PCDHA13: variants seen among roughly 807,000 people sequenced by gnomAD.
The protein encoded by PCDHA13 is protocadherin alpha 13.
A neutral mutation model predicts 64.8 loss-of-function variants in PCDHA13; 54 were observed. The observed-to-expected ratio is 0.83, with a 90% confidence interval of 0.67 to 1.04. PCDHA13 has a LOEUF of 1.04. Among genes scored for constraint, PCDHA13 ranks in the 50% least tolerant of loss-of-function variants. PCDHA13 has a pLI of 0.00. For missense variants in PCDHA13, 1,248 were observed against 1,254.3 expected (o/e 0.99, Z 0.08); for synonymous variants, 587 against 564.4 (o/e 1.04, Z -0.57).
chr5:140,883,238 G>C lies in PCDHA13; in HGVS notation c.970G>C (p.Asp324His), dbSNP rs782322627. 6.2e-7 allele frequency: 1 copy of C among 1,613,886 alleles called. No individual in the cohort carries two copies. Among genetic ancestry groups the C allele is most frequent in the African/African-American group, 1.3e-5 (1 of 74,850 alleles). The part of the protein sequence containing the change: ...KLYEISVEAV[D>H]KGNIPMAGHC... Reference sequence around the variant, plus strand: ...ATATGAAATATCCGTGGAGGCAGTTGACAAAGGAAATATTCCAATGGCGGG... The same window carrying C: ...ATATGAAATATCCGTGGAGGCAGTTCACAAAGGAAATATTCCAATGGCGGG... The change falls in exon 1 of 4, where the codon GAC becomes CAC. Residue 324 changes from aspartate (D) to histidine (H), a missense_variant. Coordinates refer to ENST00000289272, the MANE Select transcript of PCDHA13 (RefSeq NM_018904.3).
chr5:140,967,087 G>A (rs782556858), intron 1 of PCDHA13: 5 of 1,613,256 alleles, frequency 3.1e-6, no homozygotes, highest in South Asian at 1.1e-5. Flanking sequence ...GCATTGATCG[G>A]GAGGCGCTGT....
chr5:140,891,977 A>G (rs2063334150), intron 1 of PCDHA13, among the ~76,000 whole-genome samples: 1 of 152,206 alleles, frequency 6.6e-6, no homozygotes, highest in Non-Finnish European at 1.5e-5. Flanking sequence ...TTCCGTTCTC[A>G]TAAATTACTC....
At chr5:140,976,298 C>A (rs2096709941) in intron 1 of PCDHA13, among the ~76,000 whole-genome samples, 1 of 152,036 alleles carries the variant, frequency 6.6e-6, no homozygotes, top group African/African-American at 2.4e-5. Context: ...AGCCTGTAAT[C>A]CCAGCACTTT....
chr5:140,882,682 A>G lies in PCDHA13; in HGVS notation c.414A>G (p.Lys138=), dbSNP rs782727780. ...DNPPIFPESK[K]RIIIAESRPP... is the part of the protein sequence containing the mutation. ...CGCCCATATTCCCTGAAAGCAAGAA[A>G]CGAATAATCATTGCAGAATCTAGAC... The change falls in exon 1 of 4, where the codon AAA becomes AAG. Residue 138 remains lysine (K), a synonymous_variant. Transcript: ENST00000289272. The G allele has an allele frequency of 9.3e-6, 15 of 1,614,080 alleles. No individual in the cohort carries two copies. Among genetic ancestry groups the G allele is most frequent in the Admixed American group, 3.3e-5 (2 of 60,006 alleles).
In PCDHA13 at chr5:140,882,195, T is replaced by C; in HGVS notation, c.-74T>C. 2 of 1,521,122 alleles carry C rather than the reference T, an allele frequency of 1.3e-6. No individual in the cohort carries two copies. Among genetic ancestry groups the C allele is most frequent in the Non-Finnish European group, 8.8e-7 (1 of 1,135,094 alleles). The allele number at this position is 1,521,122 out of a possible 1,614,324, so 94.2% of individuals were successfully genotyped here. On this transcript the variant is annotated 5_prime_UTR_variant, in exon 1 of 4. Coordinates refer to ENST00000289272, the MANE Select transcript of PCDHA13 (RefSeq NM_018904.3). Reference sequence around the variant, plus strand: ...CTTCCGCACTAGGAAGCCATAAAAATTGGGCCTTGAGAGACAGTTTGAGGT... The same window carrying C: ...CTTCCGCACTAGGAAGCCATAAAAACTGGGCCTTGAGAGACAGTTTGAGGT...
At chr5:140,986,077 A>G (rs1335070462) in intron 3 of PCDHA13, among the ~76,000 whole-genome samples, 2 of 152,094 alleles carry the variant, frequency 1.3e-5, no homozygotes, top group Non-Finnish European at 2.9e-5. Flanking sequence ...GAAACTGTTC[A>G]TTTATTTTCA....
At chr5:140,977,730 T>C (rs1478978176) in intron 1 of PCDHA13, among the ~76,000 whole-genome samples, 1 of 152,226 alleles carries the variant, frequency 6.6e-6, no homozygotes, top group Non-Finnish European at 1.5e-5. Flanking sequence ...ATTTCTCTCC[T>C]GGGTGTTATG....
intron 1 of PCDHA13, among the ~76,000 whole-genome samples, chr5:140,909,973 G>A (rs2074802854): frequency 6.6e-6 from 1 of 152,198 alleles, no homozygotes; most frequent in Admixed American, 6.5e-5. Context: ...GGGGAAGGAT[G>A]GGAGAAAGAC....
At chr5:140,964,721 C>T (rs2095851062) in intron 1 of PCDHA13, among the ~76,000 whole-genome samples, 1 of 151,598 alleles carries the variant, frequency 6.6e-6, no homozygotes, top group East Asian at 1.9e-4. Flanking sequence ...CAAATTACCA[C>T]AGCAAACTGA....
At chr5:140,927,818 A>C (rs1554205106) in intron 1 of PCDHA13, 1 of 1,614,190 alleles carries the variant, frequency 6.2e-7, no homozygotes, top group Admixed American at 1.7e-5. Flanking sequence ...TTGGAGGCAT[A>C]CATTGAGGCG....
intron 1 of PCDHA13, among the ~76,000 whole-genome samples, chr5:140,916,170 G>A (rs782402888): frequency 1.5e-4 from 23 of 152,106 alleles, no homozygotes; most frequent in Non-Finnish European, 2.9e-4. Flanking sequence ...TGCCAGGCCT[G>A]GGACTCTTCA....
intron 1 of PCDHA13, among the ~76,000 whole-genome samples, chr5:140,908,828 A>C (rs1490004627): frequency 6.6e-6 from 1 of 152,176 alleles, no homozygotes; most frequent in Non-Finnish European, 1.5e-5. Context: ...GTTACTCGAT[A>C]AATGGGCTGG....
intron 1 of PCDHA13, among the ~76,000 whole-genome samples, chr5:140,886,130 C>T (rs2060865178): frequency 6.6e-6 from 1 of 152,144 alleles, no homozygotes; most frequent in African/African-American, 2.4e-5. Flanking sequence ...TCCGTAACAA[C>T]CAGATTCTTG....
In PCDHA13 at chr5:140,884,555, G is replaced by A. The variant is rs1554181729; in HGVS notation, c.2287G>A (p.Gly763Ser). 1 of 1,614,098 alleles carries A rather than the reference G, an allele frequency of 6.2e-7. No individual in the cohort carries two copies. The change falls in exon 1 of 4, where the codon GGC becomes AGC. Residue 763 changes from glycine (G) to serine (S), a missense_variant. Gly to Ser is a moderately conservative substitution (Grantham distance 56). Transcript: ENST00000289272. ...GCGGCCGAGGGTGTGCTCTGGGGAG[G>A]GCCCGCATAAGACGGACCTCATGGC... ...QRRPRVCSGE[G>S]PHKTDLMAFS...
intron 1 of PCDHA13, chr5:140,967,874 C>T: frequency 6.2e-7 from 1 of 1,614,132 alleles, no homozygotes; most frequent in Non-Finnish European, 8.5e-7. Context: ...GCTCACGGAC[C>T]TGTATAGCCC....
At chr5:140,928,008 T>C in intron 1 of PCDHA13, 1 of 1,614,158 alleles carries the variant, frequency 6.2e-7, no homozygotes, top group Non-Finnish European at 8.5e-7. Context: ...TCGATTCTAA[T>C]GGTAGGGTCA....
At chr5:140,937,009 C>A (rs1409113092) in intron 1 of PCDHA13, among the ~76,000 whole-genome samples, 11 of 151,930 alleles carry the variant, frequency 7.2e-5, no homozygotes, top group African/African-American at 1.9e-4. Context: ...AGACAGACAA[C>A]CGATTAACAA....
At chr5:140,939,629 A>G (rs1250529725) in intron 1 of PCDHA13, among the ~76,000 whole-genome samples, 5 of 152,248 alleles carry the variant, frequency 3.3e-5, no homozygotes, top group African/African-American at 1.2e-4. Context: ...AAGAAAATCA[A>G]TAAGGGTACT....
chr5:140,886,127 C>T (rs1308479455), intron 1 of PCDHA13, among the ~76,000 whole-genome samples: 5 of 152,172 alleles, frequency 3.3e-5, no homozygotes, highest in African/African-American at 1.2e-4. Flanking sequence ...AGTTCCGTAA[C>T]AACCAGATTC....
Sources: gnomAD v4.1 joint callset for allele counts (sites outside exome capture counted in the v4.1 genomes callset) on GRCh38, gnomAD v4.1.1 for gene constraint, MANE v1.5 for transcripts, NCBI Gene and HGNC (gene_info 2026-07-23, HGNC 2026-07-21) for gene names.